Variants in DHDDS observed in about 807,000 individuals in gnomAD.
DHDDS encodes dehydrodolichyl diphosphate synthase complex subunit DHDDS.
Under a neutral mutation model 46.2 loss-of-function variants are expected in DHDDS, and 16 were observed. The ratio of observed to expected loss-of-function variants is 0.35; its 90% CI spans 0.23 to 0.53. The LOEUF is 0.53. DHDDS is among the 20% of genes least tolerant of loss of function. The pLI is 0.94. For synonymous variants in DHDDS, 151 were observed against 163.1 expected (o/e 0.93, Z 0.56); for missense variants, 340 against 423.7 (o/e 0.80, Z 1.73).
intron 8 of DHDDS, among the ~76,000 whole-genome samples, chr1:26,464,149 C>T (rs1043558378): frequency 6.6e-6 from 1 of 151,764 alleles, no homozygotes; most frequent in African/African-American, 2.4e-5. Flanking sequence ...CGTGCCACCA[C>T]GCACAACTAA....
At chr1:26,468,812 C>CCCCCCCCCCACCTCCA in intron 8 of DHDDS, 83 bp from the exon 9 acceptor site, 1 of 601,120 alleles carries the variant, frequency 1.7e-6, no homozygotes, top group Non-Finnish European at 2.8e-6. Context: ...CCACCCTGTG[C>CCCCCCCCCCACCTCCA]CCCACCCCCT....
At chr1:26,433,272 A>C in intron 2 of DHDDS, 1 of 541,938 alleles carries the variant, frequency 1.8e-6, no homozygotes, top group Non-Finnish European at 3.3e-6. Context: ...TAGAGAACTG[A>C]AATTTGTTTC....
intron 8 of DHDDS, among the ~76,000 whole-genome samples, chr1:26,466,876 G>A (rs768778716): frequency 2.6e-5 from 4 of 152,154 alleles, no homozygotes; most frequent in African/African-American, 7.2e-5. Context: ...CTCTTATCCC[G>A]GTTTTGCAGA....
intron 6 of DHDDS, chr1:26,454,952 G>C (rs2075357013): frequency 6.2e-7 from 1 of 1,602,068 alleles, no homozygotes. Flanking sequence ...CTGACCTTGT[G>C]TCCAGCCCCA....
intron 8 of DHDDS, 122 bp from the exon 9 acceptor site, chr1:26,468,773 C>T (rs2075518989): frequency 7.3e-7 from 1 of 1,372,924 alleles, no homozygotes; most frequent in Admixed American, 2.0e-5. Context: ...AATCTGGTAC[C>T]TACTTTCCAC....
chr1:26,468,810 T>C, intron 8 of DHDDS, 85 bp from the exon 9 acceptor site: 1 of 1,229,682 alleles, frequency 8.1e-7, no homozygotes, highest in South Asian at 1.4e-5. Context: ...GCCCACCCTG[T>C]GCCCCACCCC....
intron 4 of DHDDS, among the ~76,000 whole-genome samples, chr1:26,444,039 A>G (rs2075243757): frequency 6.6e-6 from 1 of 152,206 alleles, no homozygotes; most frequent in Non-Finnish European, 1.5e-5. Context: ...GCACACCTGG[A>G]TCTTTTTGAC....
At chr1:26,460,272 A>G (rs1457055693) in intron 8 of DHDDS, 128 bp downstream of exon 8, 4 of 777,372 alleles carry the variant, frequency 5.1e-6, no homozygotes, top group Admixed American at 3.9e-5. Context: ...AGTAGCTACC[A>G]CCTACTGAGT....
Position 26,438,686 on chromosome 1 carries a change from C to T in DHDDS, c.180+402C>T. ...GGCTGCAGTGAATAGAGATTGTGCC[C>T]CTGTACTCTAGCCTGGGTGACAGAG... On this transcript the variant is annotated intron_variant, in intron 3 of 8. Transcript: ENST00000236342. The T allele has an allele frequency of 1.3e-5, 3 of 226,770 alleles. No homozygotes were observed. In the South Asian group the frequency reaches 1.8e-4, roughly 14 times the overall value. 14.0% of individuals were successfully genotyped at this position (226,770 alleles called of 1,614,324 possible).
intron 4 of DHDDS, 71 bp from the exon 5 acceptor site, chr1:26,446,245 T>C (rs1286007300): frequency 7.7e-5 from 108 of 1,407,562 alleles, no homozygotes; most frequent in South Asian, 3.2e-4. Context: ...TGGTCAGTTA[T>C]TACCTGAGCA....
chr1:26,453,093 A>AACACAC lies in DHDDS; in HGVS notation c.543-4673_543-4668dup, dbSNP rs57753843. On this transcript the variant is annotated intron_variant, in intron 6 of 8. Coordinates refer to ENST00000236342, the MANE Select transcript of DHDDS (RefSeq NM_205861.3). ...AACAACAGAGTGAAACCCTGTCTGA[A>AACACAC]ACACACACACACACACACACACACA... 2.5e-3 allele frequency among the ~76,000 whole-genome samples: 363 copies of AACACAC among 146,510 alleles called. 1 individual carries two copies. Among genetic ancestry groups the AACACAC allele is most frequent in the South Asian group, 0.011 (49 of 4,542 alleles).
Position 26,446,687 on chromosome 1 carries a change from A to AGTGT in DHDDS, c.440+273_440+276dup, listed in dbSNP as rs138481581. On this transcript the variant is annotated intron_variant, in intron 5 of 8. Coordinates refer to ENST00000236342, the MANE Select transcript of DHDDS (RefSeq NM_205861.3). ...TTCTCTGCCCAGCCCCCACCAAATA[A>AGTGT]GTGTGTGTGTGTGTGTGTGTGGGTG... is the stretch of plus-strand genomic sequence containing the variant. Among the ~76,000 whole-genome samples, 7,819 of 149,080 alleles carry AGTGT rather than the reference A, an allele frequency of 0.052. 238 individuals carry two copies. The highest frequency in any genetic ancestry group is 0.093 in the Admixed American group (1,392 of 14,920).
intron 2 of DHDDS, 142 bp downstream of exon 2, chr1:26,433,150 TG>T: frequency 1.1e-6 from 1 of 876,720 alleles, no homozygotes; most frequent in East Asian, 2.6e-5. Flanking sequence ...AGTCTTAGAA[TG>T]GTAACTTCCA....
Position 26,446,404 on chromosome 1 carries a change from G to C in DHDDS, c.412G>C (p.Ala138Pro). 3 of 1,613,950 alleles carry C rather than the reference G, an allele frequency of 1.9e-6. No homozygotes were observed. Among genetic ancestry groups the C allele is most frequent in the Non-Finnish European group, 2.5e-6 (3 of 1,179,902 alleles). Residue 138 changes from alanine to proline, a missense_variant, in exon 5 of 9, where the codon GCT becomes CCT. Ala to Pro is a conservative substitution (Grantham distance 27). This residue lies in a region of DHDDS where 268 missense variants were observed against 300.3 expected (regional missense o/e 0.89). Transcript: ENST00000236342. ...PLDLQELIAQ[A>P]VQATKNYNKC... is the part of the protein sequence containing the mutation. ...GGATCTCCAGGAGCTGATTGCACAA[G>C]CTGTACAGGCCACGAAGAACTACAA...
chr1:26,468,825 C>CA, intron 8 of DHDDS, 70 bp from the exon 9 acceptor site: 1 of 1,578,138 alleles, frequency 6.3e-7, no homozygotes, highest in Non-Finnish European at 8.6e-7. Flanking sequence ...CACCCCCTAC[C>CA]TCCTCCATCC....
chr1:26,465,193 T>C (rs937712212), intron 8 of DHDDS, among the ~76,000 whole-genome samples: 2 of 152,156 alleles, frequency 1.3e-5, no homozygotes, highest in Non-Finnish European at 2.9e-5. Flanking sequence ...GTTCACCTCA[T>C]CTCCAAGGAT....
At chr1:26,440,258 C>T (rs2075205215) in intron 3 of DHDDS, among the ~76,000 whole-genome samples, 1 of 152,198 alleles carries the variant, frequency 6.6e-6, no homozygotes, top group South Asian at 2.1e-4. Context: ...GAGTGAATGG[C>T]AGTGAGGTTC....
intron 3 of DHDDS, among the ~76,000 whole-genome samples, chr1:26,439,769 G>C (rs957218884): frequency 3.3e-5 from 5 of 152,096 alleles, no homozygotes; most frequent in African/African-American, 1.2e-4. Flanking sequence ...AACATTTTAT[G>C]GTATAATGCA....
chr1:26,441,749 A>T (rs2075221320), intron 3 of DHDDS, among the ~76,000 whole-genome samples: 1 of 151,970 alleles, frequency 6.6e-6, no homozygotes. Flanking sequence ...ACAAAAAGTT[A>T]GCCAGATGTG....
Sources: allele counts gnomAD v4.1 joint callset (sites outside exome capture counted in the v4.1 genomes callset), GRCh38; gene constraint gnomAD v4.1.1; regional missense constraint gnomAD v4.1.1; transcripts MANE v1.5; gene names NCBI Gene and HGNC (gene_info 2026-07-23, HGNC 2026-07-21).